MTCL1: variants seen among roughly 807,000 people sequenced by gnomAD.
MTCL1 encodes microtubule cross-linking factor 1.
A neutral mutation model predicts 141.4 loss-of-function variants in MTCL1; 79 were observed. That is an observed-to-expected ratio of 0.56 (90% CI 0.47 to 0.67). The LOEUF (loss-of-function observed/expected upper bound fraction) is 0.67, where lower values mean the gene tolerates loss of function less well. MTCL1 is among the 30% of genes least tolerant of loss of function. The pLI, the probability that MTCL1 is intolerant of heterozygous loss-of-function variation, is 0.00. For missense variants in MTCL1, 2,177 were observed against 2,113.9 expected (o/e 1.03, Z -0.59); for synonymous variants, 914 against 875.8 (o/e 1.04, Z -0.77).
chr18:8,796,511 C>A, intron 9 of MTCL1, 49 bp downstream of exon 8: 1 of 1,564,188 alleles, frequency 6.4e-7, no homozygotes, highest in Non-Finnish European at 8.8e-7. Context: ...TTGTCCTTGA[C>A]CCCAGACACT....
At chr18:8,723,639 A>G (rs757407180) in intron 4 of MTCL1, among the ~76,000 whole-genome samples, 18 of 152,082 alleles carry the variant, frequency 1.2e-4, no homozygotes, top group South Asian at 2.1e-4. Flanking sequence ...TTTTCCTAGC[A>G]CTTTAGACTC....
At chr18:8,765,341 G>T (rs1448089527) in intron 4 of MTCL1, among the ~76,000 whole-genome samples, 1 of 152,244 alleles carries the variant, frequency 6.6e-6, no homozygotes, top group Non-Finnish European at 1.5e-5. Flanking sequence ...AGCCCAAGGG[G>T]CAAGAAATGA....
chr18:8,827,859 G>A (rs1330815567), intron 15 of MTCL1, among the ~76,000 whole-genome samples: 2 of 152,128 alleles, frequency 1.3e-5, no homozygotes, highest in African/African-American at 2.4e-5. Context: ...GCATGAAAAC[G>A]GTTTTATCAG....
intron 12 of MTCL1, among the ~76,000 whole-genome samples, chr18:8,817,738 TCA>T (rs2076705859): frequency 6.6e-6 from 1 of 152,210 alleles, no homozygotes; most frequent in South Asian, 2.1e-4. Context: ...GGCCACTCCT[TCA>T]GGTCAAATCC....
At chr18:8,721,564 TTCTTTC>T (rs2096172951) in intron 4 of MTCL1, among the ~76,000 whole-genome samples, 1 of 152,136 alleles carries the variant, frequency 6.6e-6, no homozygotes, top group Non-Finnish European at 1.5e-5. Flanking sequence ...CGCTGGAATG[TTCTTTC>T]TCCAGGCACT....
rs199872068 is a variant in MTCL1, at chr18:8,778,078, C to T, written c.417+186C>T. ...TTCTTTGCAAACCCACAGCTCCTCC[C>T]TCTTGTTTCTCCCTCACGCTGACAA... is the stretch of plus-strand genomic sequence containing the variant. On this transcript the variant is annotated intron_variant, in intron 5 of 16. Coordinates refer to ENST00000359865, the Ensembl canonical transcript of MTCL1. 7 of 500,224 alleles carry T rather than the reference C, an allele frequency of 1.4e-5. No homozygotes were observed. In the East Asian group the frequency reaches 2.3e-4, roughly 16 times the overall value. The allele number at this position is 500,224 out of a possible 1,614,324, so 31.0% of individuals were successfully genotyped here.
intron 16 of MTCL1, chr18:8,831,238 C>T: frequency 9.6e-7 from 1 of 1,046,604 alleles, no homozygotes; most frequent in Non-Finnish European, 1.2e-6. Context: ...ACAAAAGGGC[C>T]AAATGAACAG....
At chr18:8,714,599 T>C (rs2096115190), upstream of MTCL1, among the ~76,000 whole-genome samples, 1 of 152,128 alleles carries the variant, frequency 6.6e-6, no homozygotes, top group Non-Finnish European at 1.5e-5. Flanking sequence ...GCAGGGAAAC[T>C]GCCGTTTATA....
At chr18:8,825,125 C>T (rs1468503090) in exon 15 of MTCL1, 2 of 1,592,800 alleles carry the variant, frequency 1.3e-6, no homozygotes, top group African/African-American at 2.7e-5. Flanking sequence ...TCGACAGCAT[C>T]ACGGCGGCAG....
chr18:8,739,933 A>G (rs898834513), intron 4 of MTCL1, among the ~76,000 whole-genome samples: 2 of 152,302 alleles, frequency 1.3e-5, no homozygotes, highest in East Asian at 1.9e-4. Flanking sequence ...GGGTTTCACC[A>G]TGTTGGCCAG....
exon 17 of MTCL1, chr18:8,832,043 A>C (rs2077207201): frequency 5.2e-6 from 3 of 571,616 alleles, no homozygotes; most frequent in Non-Finnish European, 9.2e-6. Context: ...TTTTGTCTCC[A>C]TCTTTTTTAC....
chr18:8,749,222 G>A (rs1346227154), intron 4 of MTCL1, among the ~76,000 whole-genome samples: 1 of 152,248 alleles, frequency 6.6e-6, no homozygotes, highest in Non-Finnish European at 1.5e-5. Flanking sequence ...AATGACAGGT[G>A]TGCTGTGGCA....
At position 8,784,259 on chromosome 18, in the gene MTCL1, C is replaced by T. The variant is rs367857172; in HGVS notation, c.1147C>T (p.Arg383Trp). 6.7e-5 allele frequency: 107 copies of T among 1,603,168 alleles called. No individual in the cohort carries two copies. The highest frequency in any genetic ancestry group is 2.4e-4 in the African/African-American group (18 of 74,832). Residue 383 changes from arginine to tryptophan, a missense_variant, in exon 6 of 17, where the codon CGG becomes TGG. Transcript: ENST00000359865. The stretch of plus-strand genomic sequence containing the variant: ...CCTGGGGCTGCGTGCCCCCAGTCCC[C>T]GGGACAGCGATGCCGAGAGTGATGC...
At chr18:8,707,586 G>C (rs918031648) in intron 1 of MTCL1, 1 of 152,656 alleles carries the variant, frequency 6.6e-6, no homozygotes, top group Non-Finnish European at 1.5e-5. Flanking sequence ...AGAAAATAAG[G>C]GGAGTTGTAT....
At chr18:8,804,577 G>A (rs2076228611) in intron 10 of MTCL1, among the ~76,000 whole-genome samples, 1 of 152,162 alleles carries the variant, frequency 6.6e-6, no homozygotes, top group Non-Finnish European at 1.5e-5. Flanking sequence ...TATCTGCCGA[G>A]TTCTTCAAAT....
At chr18:8,768,290 A>G (rs1356315709) in intron 4 of MTCL1, among the ~76,000 whole-genome samples, 1 of 152,218 alleles carries the variant, frequency 6.6e-6, no homozygotes. Flanking sequence ...CACTTTCTCC[A>G]AAATACATGT....
At chr18:8,809,858 G>A (rs1217917360) in intron 11 of MTCL1, 4 of 429,024 alleles carry the variant, frequency 9.3e-6, no homozygotes, top group Non-Finnish European at 1.7e-5. Flanking sequence ...GGCTGAAGAT[G>A]TATATACCTG....
chr18:8,796,188 T>C (rs2075912120), intron 8 of MTCL1, 44 bp from the exon 8 acceptor site: 1 of 1,599,188 alleles, frequency 6.3e-7, no homozygotes, highest in Middle Eastern at 1.7e-4. Context: ...GGGTGGCGGA[T>C]TGGATTAGCT....
exon 6 of MTCL1, chr18:8,783,715 C>A (rs772211004): frequency 1.2e-6 from 2 of 1,607,270 alleles, no homozygotes; most frequent in Non-Finnish European, 1.7e-6. Flanking sequence ...GGCCCCCCAG[C>A]ACCCGGGAGG....
Sources: allele counts gnomAD v4.1 joint callset (sites outside exome capture counted in the v4.1 genomes callset), GRCh38; gene constraint gnomAD v4.1.1; transcripts MANE v1.5; gene names NCBI Gene and HGNC (gene_info 2026-07-23, HGNC 2026-07-21).